Variants in NME7 observed in about 807,000 individuals in gnomAD.
The protein encoded by NME7 is nucleoside diphosphate kinase 7.
NME7 carries 41 observed loss-of-function variants against 49.1 expected under a neutral mutation model. The observed-to-expected ratio is 0.83, with a 90% confidence interval of 0.65 to 1.08. The LOEUF is 1.08. NME7 is among the 50% of genes least tolerant of loss of function. The pLI, the probability that NME7 is intolerant of heterozygous loss-of-function variation, is 0.00. For missense variants in NME7, 423 were observed against 463.4 expected (o/e 0.91, Z 0.80); for synonymous variants, 139 against 150.6 (o/e 0.92, Z 0.56).
intron 1 of NME7, among the ~76,000 whole-genome samples, chr1:169,332,196 G>A (rs1652284070): frequency 2.0e-5 from 3 of 151,912 alleles, no homozygotes; most frequent in African/African-American, 7.2e-5. Context: ...TTCAACAAAA[G>A]TGCAAACAAG....
chr1:169,330,706 C>A (rs535995455), intron 1 of NME7, among the ~76,000 whole-genome samples: 1 of 151,878 alleles, frequency 6.6e-6, no homozygotes, highest in African/African-American at 2.4e-5. Flanking sequence ...AAATCCATTA[C>A]AAATGTTACT....
rs1243604706 is a variant in NME7, at chr1:169,272,189, A to G, written c.754+15114T>C. On this transcript the variant is annotated intron_variant, in intron 7 of 11. Coordinates refer to ENST00000367811, the MANE Select transcript of NME7 (RefSeq NM_013330.5). ...CTAAAAACCATTAAATCCTGTATAA[A>G]CAGAAAAATAATATATTAAAATTAT... Among the ~76,000 whole-genome samples, 5 of 132,942 alleles carry G rather than the reference A, an allele frequency of 3.8e-5. 2 individuals are homozygous for G. The highest frequency in any genetic ancestry group is 8.8e-5 in the Non-Finnish European group (5 of 56,804). 87.2% of individuals were successfully genotyped at this position (132,942 alleles called of 152,430 possible). A position where few individuals can be genotyped will look rare whatever the true frequency, so the allele number is the denominator to read the frequency against.
intron 7 of NME7, among the ~76,000 whole-genome samples, chr1:169,258,405 T>TACACAC (rs1366142784): frequency 5.8e-5 from 4 of 68,800 alleles, no homozygotes; most frequent in African/African-American, 2.1e-4. Context: ...TATATATATA[T>TACACAC]ACACACACAC....
At chr1:169,234,450 C>T (rs1647772526) in intron 9 of NME7, among the ~76,000 whole-genome samples, 1 of 151,912 alleles carries the variant, frequency 6.6e-6, no homozygotes, top group South Asian at 2.1e-4. Flanking sequence ...TGTAAATAAT[C>T]AACACGGAAT....
At position 169,298,589 on chromosome 1, in the gene NME7, C is replaced by T. The variant is rs143907031; in HGVS notation, c.615G>A (p.Ala205=). Residue 205 remains alanine (A), a synonymous_variant, in exon 6 of 12, where the codon GCG becomes GCA. Transcript: ENST00000367811. The part of the protein sequence containing the change: ...LFGTDGIRNA[A]HGPDSFASAA... ...CAGAAGCAAAAGAATCAGGGCCATGCGCTGCATTTCTTATGCCATCTGTTC... is the reference window on the plus strand; with the variant it reads ...CAGAAGCAAAAGAATCAGGGCCATGTGCTGCATTTCTTATGCCATCTGTTC... The T allele has an allele frequency of 5.2e-4, 847 of 1,613,902 alleles. 1 individual carries two copies. Among genetic ancestry groups the T allele is most frequent in the Admixed American group, 1.2e-3 (70 of 59,970 alleles).
At chr1:169,324,809 G>A (rs557402686) in intron 1 of NME7, among the ~76,000 whole-genome samples, 1 of 152,050 alleles carries the variant, frequency 6.6e-6, no homozygotes, top group African/African-American at 2.4e-5. Context: ...TTTTACTATT[G>A]TAACAATTCA....
rs558731085 is a variant in NME7, at chr1:169,211,743, C to T, written c.990+18975G>A. Among the ~76,000 whole-genome samples the T allele has an allele frequency of 1.2e-3, 178 of 152,134 alleles. 1 individual carries two copies. Among genetic ancestry groups the T allele is most frequent in the Admixed American group, 2.9e-3 (44 of 15,258 alleles). ...AACAACCAGAAAAGAGAAAAATCTT[C>T]ATTTAAAAAATTTAGTTAAAAAATC... On this transcript the variant is annotated intron_variant, in intron 10 of 11. Coordinates refer to ENST00000367811, the MANE Select transcript of NME7 (RefSeq NM_013330.5).
chr1:169,296,598 C>T (rs1591733), intron 6 of NME7, among the ~76,000 whole-genome samples: 96,207 of 151,890 alleles, frequency 0.63, 30,770 homozygotes, highest in East Asian at 0.92. Flanking sequence ...TAAGCTGTCA[C>T]ACTAATTTTT....
At chr1:169,250,636 G>A (rs977499753) in intron 7 of NME7, among the ~76,000 whole-genome samples, 1 of 151,876 alleles carries the variant, frequency 6.6e-6, no homozygotes, top group African/African-American at 2.4e-5. Flanking sequence ...TTTTAGTACT[G>A]CTTTTACTAT....
rs1659518462 is a variant in NME7, at chr1:169,169,574, A to T, written c.991-20T>A. The T allele has an allele frequency of 3.1e-6, 5 of 1,591,924 alleles. No individual in the cohort carries two copies. The East Asian group carries it at 1.1e-4, about 36-fold the overall frequency. On this transcript the variant is annotated intron_variant, in intron 10 of 11. Transcript: ENST00000367811. ...AATTTCCTATTAAACATACATTCAC[A>T]TATAGATTAATGTTAGTCATATGGT...
chr1:169,139,089 A>G (rs537983780), intron 11 of NME7, among the ~76,000 whole-genome samples: 1 of 152,304 alleles, frequency 6.6e-6, no homozygotes, highest in East Asian at 1.9e-4. Flanking sequence ...AATGATTAAA[A>G]AGGTATTCTC....
chr1:169,151,584 G>A (rs1215708512), intron 11 of NME7, among the ~76,000 whole-genome samples: 2 of 152,160 alleles, frequency 1.3e-5, no homozygotes, highest in African/African-American at 4.8e-5. Context: ...GTCCCCCCCA[G>A]GCTGTCCAGC....
chr1:169,297,082 T>G (rs1650740167), intron 6 of NME7, among the ~76,000 whole-genome samples: 1 of 152,004 alleles, frequency 6.6e-6, no homozygotes, highest in African/African-American at 2.4e-5. Context: ...CAAGCAATTC[T>G]CCCACCTTAG....
chr1:169,188,346 T>C (rs1255630813), intron 10 of NME7, among the ~76,000 whole-genome samples: 2 of 152,224 alleles, frequency 1.3e-5, no homozygotes, highest in Non-Finnish European at 2.9e-5. Flanking sequence ...GCTTATTTTA[T>C]AAATTTCAGG....
At chr1:169,242,876 G>T (rs1422955240) in intron 7 of NME7, among the ~76,000 whole-genome samples, 2 of 151,910 alleles carry the variant, frequency 1.3e-5, no homozygotes, top group South Asian at 4.2e-4. Context: ...TAGAACTTGT[G>T]TATGAAAACT....
At chr1:169,155,453 G>A (rs192494706) in intron 11 of NME7, among the ~76,000 whole-genome samples, 2 of 152,352 alleles carry the variant, frequency 1.3e-5, no homozygotes, top group Admixed American at 1.3e-4. Flanking sequence ...CAAACTATTA[G>A]TGGATTCTAT....
chr1:169,252,587 T>C (rs1231601151), intron 7 of NME7, among the ~76,000 whole-genome samples: 1 of 152,216 alleles, frequency 6.6e-6, no homozygotes, highest in Non-Finnish European at 1.5e-5. Flanking sequence ...TTGTCGATTT[T>C]GTCTTTTGCT....
intron 4 of NME7, among the ~76,000 whole-genome samples, chr1:169,304,489 T>TA (rs1397857779): frequency 6.6e-6 from 1 of 152,200 alleles, no homozygotes; most frequent in East Asian, 1.9e-4. Flanking sequence ...CAAATGTACT[T>TA]AAACATTCAT....
chr1:169,222,851 C>T (rs1030812282), intron 10 of NME7, among the ~76,000 whole-genome samples: 3 of 152,054 alleles, frequency 2.0e-5, no homozygotes, highest in African/African-American at 4.8e-5. Context: ...TGCTATGAAT[C>T]GTTCAAAAAT....
Sources: gnomAD v4.1 joint callset for allele counts (sites outside exome capture counted in the v4.1 genomes callset) on GRCh38, gnomAD v4.1.1 for gene constraint, MANE v1.5 for transcripts, NCBI Gene and HGNC (gene_info 2026-07-23, HGNC 2026-07-21) for gene names.